Variants in ATP8A1 observed in about 807,000 individuals in gnomAD.
ATP8A1 encodes phospholipid-transporting ATPase IA.
In ATP8A1, 90 loss-of-function variants were observed where a neutral mutation model predicts 177.7. The observed-to-expected ratio is 0.51, with a 90% CI of 0.43 to 0.60. The LOEUF (loss-of-function observed/expected upper bound fraction) is 0.60, where lower values mean the gene tolerates loss of function less well. Among genes scored for constraint, ATP8A1 ranks in the 20% least tolerant of loss-of-function variants. ATP8A1 has a pLI of 0.00. For synonymous variants in ATP8A1, 493 were observed against 485.9 expected (o/e 1.01, Z -0.19); for missense variants, 1,072 against 1,392.8 (o/e 0.77, Z 3.67).
chr4:42,579,086 G>T (rs1055892639), intron 11 of ATP8A1, among the ~76,000 whole-genome samples: 2 of 151,924 alleles, frequency 1.3e-5, no homozygotes, highest in Non-Finnish European at 1.5e-5. Flanking sequence ...ACTTTTGGAA[G>T]TTAAGTCTTT....
intron 15 of ATP8A1, among the ~76,000 whole-genome samples, chr4:42,564,651 T>C (rs1043024908): frequency 1.2e-4 from 19 of 152,238 alleles, no homozygotes; most frequent in Non-Finnish European, 2.6e-4. Context: ...ATCTAGGAAG[T>C]AAGTAACTTG....
Position 42,586,439 on chromosome 4 carries a change from C to G in ATP8A1, c.632G>C (p.Ser211Thr). Residue 211 changes from serine to threonine, a missense_variant, in exon 9 of 37, where the codon AGT becomes ACT. Around this residue, in one of 5 missense-constraint regions of ATP8A1, gnomAD observed 344 missense variants for 393.5 expected, o/e 0.87. Coordinates refer to ENST00000381668, the MANE Select transcript of ATP8A1 (RefSeq NM_006095.2). ...AATTCTGCCAGAAATCCTCATCAAA[C>G]TGTCAACGTCTTTGATATCTGATGT... ...PATSDIKDVD[S>T]LMRISGRIEC... The G allele has an allele frequency of 6.2e-7, 1 of 1,614,112 alleles. No individual in the cohort carries two copies. Among genetic ancestry groups the G allele is most frequent in the Non-Finnish European group, 8.5e-7 (1 of 1,179,988 alleles).
chr4:42,545,418 A>G (rs1728799052), intron 19 of ATP8A1, among the ~76,000 whole-genome samples: 1 of 152,126 alleles, frequency 6.6e-6, no homozygotes, highest in African/African-American at 2.4e-5. Context: ...TATTGGGTGA[A>G]TGAGAACTCT....
At chr4:42,416,556 C>G (rs778301529) in intron 35 of ATP8A1, among the ~76,000 whole-genome samples, 4 of 152,074 alleles carry the variant, frequency 2.6e-5, no homozygotes, top group Admixed American at 2.0e-4. Flanking sequence ...TAACGTACAG[C>G]ATTAAAACAA....
chr4:42,507,771 CAGGCATTCTAAA>C, intron 22 of ATP8A1, among the ~76,000 whole-genome samples: 1 of 9,130 alleles, frequency 1.1e-4, no homozygotes, highest in Non-Finnish European at 2.4e-4. Flanking sequence ...TTAAAAAGGA[CAGGCATTCTAAA>C]AAAAAAAAAA....
chr4:42,629,368 C>T (rs191061064), intron 1 of ATP8A1, among the ~76,000 whole-genome samples: 2 of 152,308 alleles, frequency 1.3e-5, no homozygotes, highest in African/African-American at 4.8e-5. Flanking sequence ...CTTTCTTTAC[C>T]CAGGCATTAC....
At chr4:42,436,989 A>G (rs1225146320) in intron 33 of ATP8A1, among the ~76,000 whole-genome samples, 1 of 152,200 alleles carries the variant, frequency 6.6e-6, no homozygotes, top group East Asian at 1.9e-4. Context: ...AAAGATTTTT[A>G]TTGTTTTTCA....
In ATP8A1 at chr4:42,464,898, C is replaced by T. The variant is rs747391160; in HGVS notation, c.2503G>A (p.Ala835Thr). The T allele has an allele frequency of 1.2e-6, 2 of 1,614,130 alleles. No homozygotes were observed. Among genetic ancestry groups the T allele is most frequent in the Non-Finnish European group, 1.7e-6 (2 of 1,179,978 alleles). ...QAANSSDYSI[A>T]QFKYLKNLLM... ...TTGCAGAAATGACGCTTTACCTGAGCTATGGAGTAGTCAGAGGAATTAGCT... is the reference window on the plus strand; with the variant it reads ...TTGCAGAAATGACGCTTTACCTGAGTTATGGAGTAGTCAGAGGAATTAGCT... The change falls in exon 26 of 37, where the codon GCT (alanine) becomes ACT (threonine). Residue 835 changes from alanine (A) to threonine (T), a missense_variant. By Grantham distance (58) the Ala-to-Thr change is moderately conservative. This residue lies in a region of ATP8A1 where 316 missense variants were observed against 459.1 expected (regional missense o/e 0.69). Coordinates refer to ENST00000381668, the MANE Select transcript of ATP8A1 (RefSeq NM_006095.2).
At chr4:42,600,150 T>G (rs1735098925) in intron 6 of ATP8A1, among the ~76,000 whole-genome samples, 1 of 151,898 alleles carries the variant, frequency 6.6e-6, no homozygotes, top group African/African-American at 2.4e-5. Context: ...AACTCAAAAT[T>G]CTTATTTTTA....
intron 22 of ATP8A1, 21 bp from the exon 23 acceptor site, chr4:42,507,175 A>G: frequency 1.2e-6 from 2 of 1,610,618 alleles, no homozygotes; most frequent in Non-Finnish European, 1.7e-6. Flanking sequence ...TTAGTGGTAG[A>G]AATGTTTTAA....
rs758452932 is a variant in ATP8A1, at chr4:42,590,842, G to A, written c.493C>T (p.Leu165Phe). Residue 165 changes from leucine to phenylalanine, a missense_variant, in exon 7 of 37, where the codon CTC becomes TTC. This residue lies in a region of ATP8A1 where 344 missense variants were observed against 393.5 expected (regional missense o/e 0.87). Coordinates refer to ENST00000381668, the MANE Select transcript of ATP8A1 (RefSeq NM_006095.2). Reference sequence around the variant, plus strand: ...GACAGACTGATGAGATCTGCTGGGAGATGTTCCCCATTGGTCACTTTCACT... The same window carrying A: ...GACAGACTGATGAGATCTGCTGGGAAATGTTCCCCATTGGTCACTTTCACT... ...EIVKVTNGEH[L>F]PADLISLSSS... is the part of the protein sequence containing the mutation. 11 of 1,612,976 alleles carry A rather than the reference G, an allele frequency of 6.8e-6. No individual in the cohort carries two copies. Among genetic ancestry groups the A allele is most frequent in the Non-Finnish European group, 9.3e-6 (11 of 1,179,818 alleles).
intron 24 of ATP8A1, 62 bp from the exon 25 acceptor site, chr4:42,485,730 C>G: frequency 7.2e-7 from 1 of 1,384,696 alleles, no homozygotes; most frequent in Non-Finnish European, 9.8e-7. Flanking sequence ...TACTAGGATG[C>G]CTTAAGGATA....
intron 20 of ATP8A1, among the ~76,000 whole-genome samples, chr4:42,532,440 C>T (rs1287856848): frequency 1.3e-5 from 2 of 151,698 alleles, no homozygotes; most frequent in African/African-American, 2.4e-5. Context: ...GAGCTGAGAT[C>T]GTGCCACTGT....
intron 24 of ATP8A1, among the ~76,000 whole-genome samples, chr4:42,500,761 A>G (rs567311376): frequency 1.3e-5 from 2 of 152,286 alleles, no homozygotes; most frequent in South Asian, 4.1e-4. Flanking sequence ...TTTCCCTATC[A>G]GGTCTGTAGA....
At chr4:42,502,455 A>G (rs1394500870) in intron 24 of ATP8A1, among the ~76,000 whole-genome samples, 1 of 152,198 alleles carries the variant, frequency 6.6e-6, no homozygotes, top group African/African-American at 2.4e-5. Context: ...CAAGAACTGG[A>G]GAAAGATGAT....
At chr4:42,479,913 T>G in intron 25 of ATP8A1, among the ~76,000 whole-genome samples, 1 of 151,664 alleles carries the variant, frequency 6.6e-6, no homozygotes, top group East Asian at 1.9e-4. Flanking sequence ...TTTGCGAAAA[T>G]CCCAAGCGGG....
chr4:42,517,244 T>C (rs1057484823), intron 22 of ATP8A1, among the ~76,000 whole-genome samples: 5 of 143,874 alleles, frequency 3.5e-5, no homozygotes, highest in Non-Finnish European at 6.0e-5. Context: ...GAGGTTGCAC[T>C]GAGCCGACAC....
At chr4:42,460,268 A>T (rs900476898) in intron 27 of ATP8A1, among the ~76,000 whole-genome samples, 4 of 152,186 alleles carry the variant, frequency 2.6e-5, no homozygotes, top group African/African-American at 9.7e-5. Flanking sequence ...GAACAGGTGA[A>T]GCAAATATAC....
intron 20 of ATP8A1, among the ~76,000 whole-genome samples, chr4:42,525,684 G>T (rs566243657): frequency 3.3e-5 from 5 of 152,160 alleles, no homozygotes; most frequent in Admixed American, 6.5e-5. Flanking sequence ...AGTGCTTTAA[G>T]AATTTTAGTG....
Sources: gnomAD v4.1 joint callset for allele counts (sites outside exome capture counted in the v4.1 genomes callset) on GRCh38, gnomAD v4.1.1 for gene constraint, gnomAD v4.1.1 regional missense constraint, MANE v1.5 for transcripts, NCBI Gene and HGNC (gene_info 2026-07-23, HGNC 2026-07-21) for gene names.